Variants in RAB38 observed in about 807,000 individuals in gnomAD.
The protein encoded by RAB38 is RAB38, member RAS oncogene family.
RAB38 carries 15 observed loss-of-function variants against 18.4 expected under a neutral mutation model. The observed-to-expected ratio is 0.82, with a 90% CI of 0.55 to 1.26. RAB38 has a LOEUF of 1.26. RAB38 is among the 50% of genes most tolerant of loss of function. RAB38 has a pLI of 0.00. For missense variants in RAB38, 294 were observed against 267.4 expected (o/e 1.10, Z -0.69); for synonymous variants, 101 against 104.4 (o/e 0.97, Z 0.20).
chr11:87,839,189 G>C, the RAB38 span, among the ~76,000 whole-genome samples: 1 of 152,148 alleles, frequency 6.6e-6, no homozygotes, highest in Non-Finnish European at 1.5e-5. Context: ...GTCTCTACCT[G>C]TTGCTTATAA....
At chr11:87,819,316 C>G in the RAB38 span, among the ~76,000 whole-genome samples, 1 of 152,110 alleles carries the variant, frequency 6.6e-6, no homozygotes, top group Non-Finnish European at 1.5e-5. Context: ...GTAAATTCTC[C>G]ATATGGTTCA....
intron 1 of RAB38, among the ~76,000 whole-genome samples, chr11:88,159,218 T>TAAATAAAA (rs1943159792): frequency 6.8e-6 from 1 of 148,142 alleles, no homozygotes. Context: ...AATAAATAAA[T>TAAATAAAA]AAATAAATAA....
chr11:87,939,682 AC>A, the RAB38 span, among the ~76,000 whole-genome samples: 1 of 151,820 alleles, frequency 6.6e-6, no homozygotes, highest in Non-Finnish European at 1.5e-5. Context: ...ACATGGTGAG[AC>A]CCCCTCTGTA....
At chr11:88,150,383 C>T (rs2134828106) in intron 1 of RAB38, among the ~76,000 whole-genome samples, 1 of 152,294 alleles carries the variant, frequency 6.6e-6, no homozygotes, top group Non-Finnish European at 1.5e-5. Flanking sequence ...ACATATCCAT[C>T]AGTATAGAAC....
chr11:87,868,578 GGAGA>G, the RAB38 span, among the ~76,000 whole-genome samples: 715 of 59,196 alleles, frequency 0.012, 5 homozygotes, highest in Middle Eastern at 0.032. Flanking sequence ...AAGGAGTGAG[GGAGA>G]GAGAGAGAGA....
At chr11:87,911,256 T>C in the RAB38 span, among the ~76,000 whole-genome samples, 1 of 152,086 alleles carries the variant, frequency 6.6e-6, no homozygotes, top group South Asian at 2.1e-4. Context: ...GTTTTGACTC[T>C]TCTAGGCCCT....
chr11:87,832,253 T>C, the RAB38 span, among the ~76,000 whole-genome samples: 4 of 152,320 alleles, frequency 2.6e-5, no homozygotes, highest in South Asian at 4.1e-4. Context: ...GATATTAATA[T>C]GTAAATATAT....
chr11:88,014,632 T>A, the RAB38 span, among the ~76,000 whole-genome samples: 2 of 152,090 alleles, frequency 1.3e-5, no homozygotes, highest in Admixed American at 1.3e-4. Flanking sequence ...CCATCACCCA[T>A]ACCTACCCTG....
chr11:88,111,574 G>C (rs1307643459), downstream of RAB38, among the ~76,000 whole-genome samples: 1 of 152,160 alleles, frequency 6.6e-6, no homozygotes, highest in Non-Finnish European at 1.5e-5. Context: ...GTAACAGGGA[G>C]AGGCTATACT....
At chr11:88,012,451 C>A in the RAB38 span, among the ~76,000 whole-genome samples, 12 of 152,230 alleles carry the variant, frequency 7.9e-5, no homozygotes, top group Middle Eastern at 3.4e-3. Flanking sequence ...GTATATGGAA[C>A]TTACTGGATT....
the RAB38 span, among the ~76,000 whole-genome samples, chr11:88,103,438 A>T: frequency 1.3e-5 from 2 of 152,052 alleles, no homozygotes; most frequent in Admixed American, 6.6e-5. Flanking sequence ...CCATGCCTCT[A>T]ATCTTATATA....
chr11:88,041,157 T>G, the RAB38 span, among the ~76,000 whole-genome samples: 1 of 152,204 alleles, frequency 6.6e-6, no homozygotes, highest in Non-Finnish European at 1.5e-5. Flanking sequence ...GTGAAATATA[T>G]CAAACCAGTT....
chr11:87,823,408 T>A, the RAB38 span, among the ~76,000 whole-genome samples: 20 of 152,052 alleles, frequency 1.3e-4, no homozygotes, highest in Admixed American at 4.6e-4. Flanking sequence ...TGGTAAAAGT[T>A]GAGTTGTTTC....
chr11:88,124,159 T>G (rs1308145578), intron 2 of RAB38, among the ~76,000 whole-genome samples: 1 of 152,218 alleles, frequency 6.6e-6, no homozygotes. Context: ...TTAGTCACTT[T>G]TTGTATTTGG....
downstream of RAB38, among the ~76,000 whole-genome samples, chr11:88,112,711 T>C (rs141856518): frequency 0.017 from 2,520 of 152,026 alleles, 66 homozygotes; most frequent in African/African-American, 0.058. Flanking sequence ...GAGGTGGAAG[T>C]TGCAGTGAGC....
At chr11:88,036,756 A>T in the RAB38 span, among the ~76,000 whole-genome samples, 2 of 152,030 alleles carry the variant, frequency 1.3e-5, no homozygotes, top group African/African-American at 4.8e-5. Flanking sequence ...TATTAATATA[A>T]GGATTTATAT....
At chr11:88,061,775 C>T in the RAB38 span, 1 of 152,252 alleles carries the variant, frequency 6.6e-6, no homozygotes, top group East Asian at 1.9e-4. Context: ...CCTGCCAATC[C>T]ACTCCTCTGG....
At chr11:87,817,843 C>T in the RAB38 span, among the ~76,000 whole-genome samples, 1 of 152,098 alleles carries the variant, frequency 6.6e-6, no homozygotes, top group Non-Finnish European at 1.5e-5. Flanking sequence ...TTGATCATCT[C>T]AAATGCAGTC....
chr11:88,150,717 G>A (rs35133194), intron 1 of RAB38, among the ~76,000 whole-genome samples: 2,829 of 152,256 alleles, frequency 0.019, 89 homozygotes, highest in African/African-American at 0.066. Context: ...CATACAGATA[G>A]TAAGCTTAAG....
Sources: gnomAD v4.1 joint callset for allele counts (sites outside exome capture counted in the v4.1 genomes callset) on GRCh38, gnomAD v4.1.1 for gene constraint, MANE v1.5 for transcripts, NCBI Gene and HGNC (gene_info 2026-07-23, HGNC 2026-07-21) for gene names.